The following EIF2B3 variants were observed in gnomAD, a reference collection of about 807,000 sequenced individuals.
EIF2B3 encodes the protein eukaryotic translation initiation factor 2B subunit gamma.
A neutral mutation model predicts 54.1 loss-of-function variants in EIF2B3; 20 were observed. That is an observed-to-expected ratio of 0.37 (90% CI 0.26 to 0.54). The LOEUF (loss-of-function observed/expected upper bound fraction) is 0.54. Ranked by LOEUF, EIF2B3 falls within the 20% of genes least tolerant of loss-of-function variation. The pLI, the probability that EIF2B3 is intolerant of heterozygous loss-of-function variation, is 0.86. For synonymous variants in EIF2B3, 153 were observed against 188.1 expected, an observed-to-expected ratio of 0.81 and a Z score of 1.52; for missense variants, 448 against 547.8, an observed-to-expected ratio of 0.82 and a Z score of 1.82.
chr1:44,900,441 ATC>A (rs1643260919), intron 5 of EIF2B3, among the ~76,000 whole-genome samples: 1 of 129,210 alleles, frequency 7.7e-6, no homozygotes, highest in African/African-American at 2.9e-5. Flanking sequence ...AGCGAGAATC[ATC>A]TCAAAAAAAA....
chr1:44,882,925 T>C (rs570387383), intron 6 of EIF2B3, among the ~76,000 whole-genome samples: 83 of 144,804 alleles, frequency 5.7e-4, no homozygotes, highest in Admixed American at 1.2e-3. Context: ...TTTTTTTCTT[T>C]TTCTTTTTTT....
Position 44,961,316 on chromosome 1 carries a change from C to CAAA in EIF2B3, c.294+16996_294+16998dup, listed in dbSNP as rs752610849. Among the ~76,000 whole-genome samples, 78 of 81,544 alleles carry CAAA rather than the reference C, an allele frequency of 9.6e-4. 2 individuals are homozygous for CAAA. The highest frequency in any genetic ancestry group is 2.2e-3 in the East Asian group (5 of 2,254). The allele number at this position is 81,544 out of a possible 152,430, so 53.5% of individuals were successfully genotyped here. A position where few individuals can be genotyped will look rare whatever the true frequency, so the allele number is the denominator to read the frequency against. On this transcript the variant is annotated intron_variant, in intron 3 of 11. Transcript: ENST00000360403. ...TGGGCAACAGAGTGAGACCCTGTCT[C>CAAA]AAAAAAAAAAAAAAAAAAAAGTCTC...
chr1:44,984,734 TCA>T lies in EIF2B3; in HGVS notation c.-10+1757_-10+1758del, dbSNP rs535010083. ...TGATGGGGATAATTATAGTTTCACT[TCA>T]CAGAGTTGTTGTTAAGATTAAATTT... is the stretch of plus-strand genomic sequence containing the variant. On this transcript the variant is annotated intron_variant, in intron 1 of 11. Transcript: ENST00000360403. Among the ~76,000 whole-genome samples the T allele has an allele frequency of 1.5e-4, 23 of 151,664 alleles. No homozygotes were observed. In the South Asian group the frequency reaches 4.6e-3, roughly 30 times the overall value.
intron 3 of EIF2B3, among the ~76,000 whole-genome samples, chr1:44,945,553 CA>C (rs199816888): frequency 0.21 from 22,155 of 103,708 alleles, 1,735 homozygotes; most frequent in Non-Finnish European, 0.23. Flanking sequence ...GACTCCGTCT[CA>C]AAAAAAAAAA....
intron 2 of EIF2B3, among the ~76,000 whole-genome samples, chr1:44,980,461 C>A (rs264023): frequency 0.32 from 48,698 of 151,516 alleles, 8,925 homozygotes; most frequent in African/African-American, 0.49. Flanking sequence ...TGGGTGGCAG[C>A]GTGAGACTCT....
At chr1:44,860,007 C>CT (rs1204545358) in intron 10 of EIF2B3, among the ~76,000 whole-genome samples, 53 of 144,672 alleles carry the variant, frequency 3.7e-4, no homozygotes, top group South Asian at 1.1e-3. Context: ...ATCCAGCCTT[C>CT]TTTTTTTTTT....
intron 5 of EIF2B3, among the ~76,000 whole-genome samples, chr1:44,917,541 G>A: frequency 6.7e-6 from 1 of 149,694 alleles, no homozygotes; most frequent in African/African-American, 2.4e-5. Context: ...ACTTGATTCA[G>A]AAATTTTAAT....
intron 4 of EIF2B3, among the ~76,000 whole-genome samples, chr1:44,938,416 G>T (rs183885647): frequency 0.016 from 2,465 of 152,196 alleles, 23 homozygotes; most frequent in Middle Eastern, 0.027. Context: ...GCAGGCTGAG[G>T]TGGGAGAATT....
chr1:44,891,173 C>T (rs913772594), intron 6 of EIF2B3, among the ~76,000 whole-genome samples: 7 of 152,168 alleles, frequency 4.6e-5, no homozygotes, highest in Non-Finnish European at 7.4e-5. Flanking sequence ...TATCATGGCT[C>T]ACTGCAGCTT....
chr1:44,887,174 G>A (rs1424549076), intron 6 of EIF2B3, among the ~76,000 whole-genome samples: 2 of 152,158 alleles, frequency 1.3e-5, no homozygotes, highest in South Asian at 2.1e-4. Flanking sequence ...AACTTGAGTG[G>A]GTCCAGGATT....
chr1:44,930,216 CTA>C (rs1643884346), intron 4 of EIF2B3, among the ~76,000 whole-genome samples: 1 of 152,106 alleles, frequency 6.6e-6, no homozygotes, highest in Admixed American at 6.5e-5. Flanking sequence ...ATGGTAGGTG[CTA>C]TGTCTAGAGT....
intron 4 of EIF2B3, among the ~76,000 whole-genome samples, chr1:44,927,040 A>G (rs1265350009): frequency 3.3e-5 from 5 of 152,014 alleles, no homozygotes; most frequent in Non-Finnish European, 7.4e-5. Flanking sequence ...AGGCTGAGGC[A>G]GGAGAATTAC....
At position 44,874,765 on chromosome 1, in the gene EIF2B3, C is replaced by T. The variant is rs775556092; in HGVS notation, c.1115G>A (p.Arg372His). ...GAGACAGGATGAGCCAATGACTGAGCGCTTAATGGATGACTTCTCTCCAAT... is the reference window on the plus strand; with the variant it reads ...GAGACAGGATGAGCCAATGACTGAGTGCTTAATGGATGACTTCTCTCCAAT... ...TQIGEKSSIK[R>H]SVIGSSCLIK... is the part of the protein sequence containing the mutation. The change falls in exon 10 of 12, where the codon CGC becomes CAC. Residue 372 changes from arginine to histidine, a missense_variant. Physicochemically the swap from Arg to His is conservative, Grantham distance 29 (BLOSUM62 0). Around this residue, in one of 3 missense-constraint regions of EIF2B3, gnomAD observed 350 missense variants for 414.2 expected, o/e 0.85. Coordinates refer to ENST00000360403, the MANE Select transcript of EIF2B3 (RefSeq NM_020365.5). The T allele has an allele frequency of 1.9e-5, 31 of 1,613,942 alleles. No homozygotes were observed. The highest frequency in any genetic ancestry group is 1.5e-4 in the South Asian group (14 of 91,064).
intron 3 of EIF2B3, among the ~76,000 whole-genome samples, chr1:44,973,384 C>T (rs796601588): frequency 3.3e-4 from 51 of 152,278 alleles, no homozygotes; most frequent in African/African-American, 1.2e-3. Flanking sequence ...GAAGTAAATT[C>T]TGCAGTATGC....
intron 3 of EIF2B3, among the ~76,000 whole-genome samples, chr1:44,965,663 G>A (rs1266737290): frequency 1.6e-5 from 2 of 127,188 alleles, no homozygotes; most frequent in East Asian, 2.3e-4. Flanking sequence ...TTTTTGAGAC[G>A]GAGTCTCACT....
chr1:44,966,000 C>A (rs1442626730), intron 3 of EIF2B3, among the ~76,000 whole-genome samples: 1 of 152,016 alleles, frequency 6.6e-6, no homozygotes, highest in Non-Finnish European at 1.5e-5. Context: ...AAAAGCATAG[C>A]CTCTGAAGGA....
At chr1:44,946,425 A>C (rs1320423529) in intron 3 of EIF2B3, among the ~76,000 whole-genome samples, 1 of 148,882 alleles carries the variant, frequency 6.7e-6, no homozygotes, top group Non-Finnish European at 1.5e-5. Flanking sequence ...GCTAAATCAC[A>C]CTTATACCTT....
At chr1:44,872,119 A>G (rs1654985100) in intron 10 of EIF2B3, among the ~76,000 whole-genome samples, 1 of 152,140 alleles carries the variant, frequency 6.6e-6, no homozygotes, top group African/African-American at 2.4e-5. Context: ...TGCAGCCTTG[A>G]CATACCAGAC....
chr1:44,874,970 C>T, intron 9 of EIF2B3, 144 bp from the exon 10 acceptor site: 1 of 1,045,672 alleles, frequency 9.6e-7, no homozygotes, highest in South Asian at 1.3e-5. Flanking sequence ...TTCTCAGGGC[C>T]ACAAGGTCAT....
Sources: allele counts gnomAD v4.1 joint callset (sites outside exome capture counted in the v4.1 genomes callset), GRCh38; gene constraint gnomAD v4.1.1; regional missense constraint gnomAD v4.1.1; transcripts MANE v1.5; gene names NCBI Gene and HGNC (gene_info 2026-07-23, HGNC 2026-07-21).